DOCK3: variants seen among roughly 807,000 people sequenced by gnomAD.
DOCK3 encodes dedicator of cytokinesis protein 3.
A neutral mutation model predicts 265.6 loss-of-function variants in DOCK3; 60 were observed. The observed-to-expected ratio is 0.23, with a 90% CI of 0.18 to 0.28. The LOEUF is 0.28. Ranked by LOEUF, DOCK3 falls within the 10% of genes least tolerant of loss-of-function variation. DOCK3 has a pLI of 1.00. For missense variants in DOCK3, 1,981 were observed against 2,594.3 expected, an observed-to-expected ratio of 0.76 and a Z score of 5.14; for synonymous variants, 881 against 938.0, an observed-to-expected ratio of 0.94 and a Z score of 1.11.
intron 1 of DOCK3, among the ~76,000 whole-genome samples, chr3:50,764,652 A>C (rs1316442879): frequency 6.6e-6 from 1 of 152,198 alleles, no homozygotes; most frequent in Non-Finnish European, 1.5e-5. Flanking sequence ...TACAAAATTT[A>C]AGAATTAGCA....
chr3:50,803,669 C>T (rs1361895298), intron 2 of DOCK3, among the ~76,000 whole-genome samples: 1 of 151,530 alleles, frequency 6.6e-6, no homozygotes, highest in Non-Finnish European at 1.5e-5. Context: ...GTGCCCCCCA[C>T]CTCCCAGATG....
intron 1 of DOCK3, among the ~76,000 whole-genome samples, chr3:50,688,835 C>G (rs1576100417): frequency 6.6e-6 from 1 of 152,148 alleles, no homozygotes; most frequent in African/African-American, 2.4e-5. Flanking sequence ...TCTGCTGTCT[C>G]ATCATTGAGT....
intron 5 of DOCK3, among the ~76,000 whole-genome samples, chr3:51,041,204 ATTTTTTTTTTTTT>A (rs1183149090): frequency 6.8e-5 from 1 of 14,792 alleles, no homozygotes; most frequent in Non-Finnish European, 1.1e-4. Flanking sequence ...ATATATATAT[ATTTTTTTTTTTTT>A]TTTTTTTTTT....
intron 4 of DOCK3, among the ~76,000 whole-genome samples, chr3:50,931,797 C>T (rs1046929409): frequency 6.6e-6 from 1 of 152,178 alleles, no homozygotes; most frequent in African/African-American, 2.4e-5. Flanking sequence ...GAGCCGAGTG[C>T]CTAATCATTC....
intron 32 of DOCK3, among the ~76,000 whole-genome samples, chr3:51,328,401 C>CT (rs1324752501): frequency 2.6e-5 from 4 of 152,150 alleles, no homozygotes; most frequent in Non-Finnish European, 5.9e-5. Flanking sequence ...TGAAGTGGGA[C>CT]TAATCCACCT....
rs776772642 is a variant in DOCK3, at chr3:51,237,479, A to G, written c.2002-11A>G. 1 of 1,611,754 alleles carries G rather than the reference A, an allele frequency of 6.2e-7. No individual in the cohort carries two copies. The highest frequency in any genetic ancestry group is 8.5e-7 in the Non-Finnish European group (1 of 1,178,752). The stretch of plus-strand genomic sequence containing the variant: ...AGTGAACCCTGATGGCTTACTCTCC[A>G]TATCTCCCAGGTGTTCATCATCAAC... On this transcript the variant is annotated splice_polypyrimidine_tract_variant and intron_variant, in intron 20 of 52. Coordinates refer to ENST00000266037, the MANE Select transcript of DOCK3 (RefSeq NM_004947.5).
At chr3:51,168,767 G>A (rs2086530336) in intron 12 of DOCK3, among the ~76,000 whole-genome samples, 1 of 152,146 alleles carries the variant, frequency 6.6e-6, no homozygotes, top group Non-Finnish European at 1.5e-5. Flanking sequence ...TAGAGAGTCT[G>A]CATGGAAAAA....
intron 12 of DOCK3, among the ~76,000 whole-genome samples, chr3:51,201,503 A>G (rs1433714744): frequency 6.6e-6 from 1 of 152,198 alleles, no homozygotes; most frequent in African/African-American, 2.4e-5. Context: ...CCAATACAGG[A>G]GCACCCAGAC....
At chr3:51,246,509 T>C (rs1277262262) in intron 21 of DOCK3, among the ~76,000 whole-genome samples, 1 of 152,246 alleles carries the variant, frequency 6.6e-6, no homozygotes, top group Non-Finnish European at 1.5e-5. Context: ...GAAAAAGTTA[T>C]TTTAGTTGCT....
At chr3:51,099,243 T>C (rs960679172) in intron 9 of DOCK3, among the ~76,000 whole-genome samples, 1 of 152,220 alleles carries the variant, frequency 6.6e-6, no homozygotes, top group African/African-American at 2.4e-5. Context: ...TTTTGAGAGA[T>C]AGACACAGTG....
chr3:51,258,401 C>G (rs746393088), intron 22 of DOCK3, among the ~76,000 whole-genome samples: 34 of 152,142 alleles, frequency 2.2e-4, no homozygotes, highest in Non-Finnish European at 3.8e-4. Flanking sequence ...GTAAGATGCT[C>G]AACAAGTTCA....
rs566329166 is a variant in DOCK3, at chr3:51,255,621, A to G, written c.2185-4535A>G. Among the ~76,000 whole-genome samples the G allele has an allele frequency of 7.9e-5, 12 of 152,282 alleles. No homozygotes were observed. The South Asian group carries it at 1.0e-3, about 13-fold the overall frequency. ...CTTCATTTCATTCATTTGATCTTCA[A>G]TCACTGATACCCTTTCTTCCAGTTG... On this transcript the variant is annotated intron_variant, in intron 22 of 52. Transcript: ENST00000266037.
At chr3:50,891,475 A>G (rs1371003210) in intron 4 of DOCK3, among the ~76,000 whole-genome samples, 1 of 152,138 alleles carries the variant, frequency 6.6e-6, no homozygotes, top group Non-Finnish European at 1.5e-5. Context: ...TCTCATGTTT[A>G]TGAACCTTTG....
chr3:50,846,578 T>C (rs2046093210), intron 3 of DOCK3, among the ~76,000 whole-genome samples: 1 of 152,208 alleles, frequency 6.6e-6, no homozygotes, highest in Admixed American at 6.5e-5. Flanking sequence ...TCAGTAAGAT[T>C]GGTGGCAGCT....
intron 27 of DOCK3, among the ~76,000 whole-genome samples, chr3:51,290,551 GGGAGGGATAGCATTA>G (rs1269831869): frequency 6.6e-6 from 1 of 152,050 alleles, no homozygotes; most frequent in Non-Finnish European, 1.5e-5. Flanking sequence ...TGGGGGAGAG[GGGAGGGATAGCATTA>G]GGAGATATAC....
At chr3:51,103,714 ATCTAT>A (rs2083169393) in intron 9 of DOCK3, among the ~76,000 whole-genome samples, 1 of 152,226 alleles carries the variant, frequency 6.6e-6, no homozygotes, top group South Asian at 2.1e-4. Flanking sequence ...CTTAATATAA[ATCTAT>A]TGCCTTATGT....
At chr3:50,894,262 A>C (rs150880447) in intron 4 of DOCK3, among the ~76,000 whole-genome samples, 1 of 152,092 alleles carries the variant, frequency 6.6e-6, no homozygotes, top group South Asian at 2.1e-4. Context: ...TAAATCTGCT[A>C]TCAGCAGATT....
intron 3 of DOCK3, among the ~76,000 whole-genome samples, chr3:50,888,582 G>A (rs2048464612): frequency 6.6e-6 from 1 of 152,142 alleles, no homozygotes; most frequent in Non-Finnish European, 1.5e-5. Context: ...AACAAAGCTG[G>A]AGGCATCATG....
chr3:51,228,066 T>G lies in DOCK3; in HGVS notation c.1625T>G (p.Ile542Ser). 1.2e-6 allele frequency: 2 copies of G among 1,614,006 alleles called. No homozygotes were observed. The highest frequency in any genetic ancestry group is 1.7e-6 in the Non-Finnish European group (2 of 1,179,880). The change falls in exon 17 of 53, where the codon ATT (isoleucine) becomes AGT (serine). Residue 542 changes from isoleucine (I) to serine (S), a missense_variant. Coordinates refer to ENST00000266037, the MANE Select transcript of DOCK3 (RefSeq NM_004947.5). ...RDDGTTLSDDIHELYVYKCDE... is the reference protein window; with the variant it reads ...RDDGTTLSDDSHELYVYKCDE... ...GATGGCACCACCCTCTCAGATGATA[T>G]TCACGAGCTTTATGTGTACAAGGTA...
Sources: allele counts gnomAD v4.1 joint callset (sites outside exome capture counted in the v4.1 genomes callset), GRCh38; gene constraint gnomAD v4.1.1; transcripts MANE v1.5; gene names NCBI Gene and HGNC (gene_info 2026-07-23, HGNC 2026-07-21).